RICTOR: variants seen among roughly 807,000 people sequenced by gnomAD.
RICTOR encodes RPTOR independent companion of MTOR complex 2.
In RICTOR, 49 loss-of-function variants were observed where a neutral mutation model predicts 214.9. The ratio of observed to expected loss-of-function variants is 0.23; its 90% CI spans 0.18 to 0.29. The LOEUF is 0.29. Ranked by LOEUF, RICTOR falls within the 10% of genes least tolerant of loss-of-function variation. The pLI, the probability that RICTOR is intolerant of heterozygous loss-of-function variation, is 1.00. For synonymous variants in RICTOR, 717 were observed against 711.3 expected (o/e 1.01, Z -0.13); for missense variants, 1,625 against 2,047.0 (o/e 0.79, Z 3.98).
At chr5:39,038,684 AC>A (rs987577324) in intron 2 of RICTOR, among the ~76,000 whole-genome samples, 47 of 152,362 alleles carry the variant, frequency 3.1e-4, no homozygotes, top group African/African-American at 1.1e-3. Flanking sequence ...TAACAGACAG[AC>A]AGCCAAATCA....
At chr5:38,957,277 T>C (rs1045603215) in intron 25 of RICTOR, among the ~76,000 whole-genome samples, 4 of 152,106 alleles carry the variant, frequency 2.6e-5, no homozygotes, top group African/African-American at 9.7e-5. Context: ...CTCCCTTCAT[T>C]TAAAAAAATT....
At chr5:39,044,380 C>T (rs1318401944) in intron 2 of RICTOR, among the ~76,000 whole-genome samples, 1 of 152,100 alleles carries the variant, frequency 6.6e-6, no homozygotes, top group African/African-American at 2.4e-5. Context: ...TGACTTTTAA[C>T]AATCTGGCAT....
Position 38,959,059 on chromosome 5 carries a change from T to C in RICTOR, c.2178+136A>G. The C allele has an allele frequency of 5.5e-6, 4 of 732,618 alleles. No homozygotes were observed. The South Asian group carries it at 1.2e-4, about 21-fold the overall frequency. 45.4% of individuals were successfully genotyped at this position (732,618 alleles called of 1,614,324 possible). A position where few individuals can be genotyped will look rare whatever the true frequency, so the allele number is the denominator to read the frequency against. On this transcript the variant is annotated intron_variant, in intron 22 of 37. Transcript: ENST00000357387. ...AAATCTGAGTACTATATGCAGTTCC[T>C]TGGAGAAACTAAAATTTTAAAGTAA...
chr5:39,053,443 C>A (rs1422437948), intron 2 of RICTOR, among the ~76,000 whole-genome samples: 5 of 152,152 alleles, frequency 3.3e-5, no homozygotes, highest in Non-Finnish European at 7.3e-5. Context: ...CACAACGGCT[C>A]ATGTATCTGC....
At chr5:38,989,593 C>A (rs1287881799) in intron 7 of RICTOR, among the ~76,000 whole-genome samples, 1 of 151,948 alleles carries the variant, frequency 6.6e-6, no homozygotes, top group East Asian at 1.9e-4. Context: ...AAAAATTTTG[C>A]AATCTATCCA....
chr5:38,960,019 A>C, intron 20 of RICTOR, 41 bp from the exon 21 acceptor site: 1 of 1,340,264 alleles, frequency 7.5e-7, no homozygotes, highest in Non-Finnish European at 1.1e-6. Context: ...AAAAGCATTC[A>C]AAATCTGTAA....
chr5:38,953,577 AT>A, intron 27 of RICTOR, 24 bp from the exon 28 acceptor site: 1 of 729,664 alleles, frequency 1.4e-6, no homozygotes, highest in Non-Finnish European at 2.2e-6. Flanking sequence ...AAAAAATACC[AT>A]GAGTAATAAT....
At chr5:38,968,131 T>C in intron 11 of RICTOR, 101 bp from the exon 12 acceptor site, 2 of 687,338 alleles carry the variant, frequency 2.9e-6, no homozygotes, top group East Asian at 2.6e-5. Flanking sequence ...AACAGAACTA[T>C]TAATACAATG....
chr5:38,994,439 A>AC, intron 6 of RICTOR, among the ~76,000 whole-genome samples: 1 of 145,962 alleles, frequency 6.9e-6, no homozygotes, highest in African/African-American at 2.5e-5. Flanking sequence ...AAAAAAAAAA[A>AC]AAAAAAAAAA....
intron 3 of RICTOR, among the ~76,000 whole-genome samples, chr5:39,019,579 T>G (rs1230400073): frequency 6.6e-6 from 1 of 152,180 alleles, no homozygotes; most frequent in Non-Finnish European, 1.5e-5. Context: ...AAACATACTG[T>G]TGAGAAAACA....
intron 2 of RICTOR, among the ~76,000 whole-genome samples, chr5:39,065,231 T>C (rs1758811367): frequency 6.6e-6 from 1 of 152,130 alleles, no homozygotes; most frequent in Non-Finnish European, 1.5e-5. Context: ...TGCAGGCATC[T>C]CACATGGCAG....
rs1435783841 is a variant in RICTOR at position 38,954,779 on chromosome 5, C to T, written c.2692G>A (p.Val898Ile). ...TAAGTGAATTATGTTTTTACCTGTA[C>T]TTCCAACAAATGGCAGCCTGTTTTA... ...HHKTGCHLLE[V>I]QNIITELCRN... The change falls in exon 27 of 38, where the codon GTA becomes ATA. Residue 898 changes from valine to isoleucine, a missense_variant. Transcript: ENST00000357387. 1.9e-6 allele frequency: 3 copies of T among 1,574,330 alleles called. No homozygotes were observed. Among genetic ancestry groups the T allele is most frequent in the Non-Finnish European group, 2.6e-6 (3 of 1,145,628 alleles).
chr5:38,953,585 T>C (rs770365498), intron 27 of RICTOR, 32 bp from the exon 28 acceptor site: 1 of 716,482 alleles, frequency 1.4e-6, no homozygotes, highest in South Asian at 2.7e-5. Context: ...CCATGAGTAA[T>C]AATATATTTA....
chr5:38,979,942 C>T (rs567109548), intron 8 of RICTOR, among the ~76,000 whole-genome samples: 1 of 152,234 alleles, frequency 6.6e-6, no homozygotes, highest in African/African-American at 2.4e-5. Context: ...CTGTGCTTTA[C>T]TGTGTGTATT....
intron 2 of RICTOR, among the ~76,000 whole-genome samples, chr5:39,058,898 C>T (rs548159286): frequency 6.6e-6 from 1 of 152,126 alleles, no homozygotes; most frequent in South Asian, 2.1e-4. Flanking sequence ...TTTCATTAAA[C>T]AGTCATTCAA....
chr5:39,019,884 C>T (rs1755263533), intron 3 of RICTOR, among the ~76,000 whole-genome samples: 1 of 152,134 alleles, frequency 6.6e-6, no homozygotes, highest in African/African-American at 2.4e-5. Context: ...ATTTATCGTT[C>T]CAGATGCCAT....
At position 38,982,031 on chromosome 5, in the gene RICTOR, G is replaced by C. The variant is rs938312481; in HGVS notation, c.589C>G (p.Gln197Glu). The C allele has an allele frequency of 1.2e-6, 2 of 1,607,530 alleles. No homozygotes were observed. Among genetic ancestry groups the C allele is most frequent in the Non-Finnish European group, 1.7e-6 (2 of 1,174,896 alleles). Reference protein sequence around the residue: ...CIAIICELALQNPEVVALRGG... With the variant: ...CIAIICELALENPEVVALRGG... ...CGAAGGGCCACCACCTCTGGATTCT[G>C]AAGTGCTAAAAGAGAAAAACTTAAC... The change falls in exon 8 of 38, where the codon CAG becomes GAG. Residue 197 changes from glutamine to glutamate, a missense_variant. This residue lies in a region of RICTOR where 258 missense variants were observed against 393.7 expected (regional missense o/e 0.66). Transcript: ENST00000357387.
intron 3 of RICTOR, among the ~76,000 whole-genome samples, chr5:39,015,180 A>G (rs1010084360): frequency 1.3e-5 from 2 of 152,194 alleles, no homozygotes; most frequent in African/African-American, 4.8e-5. Context: ...GGTAGCAAAC[A>G]AACTCCACTA....
At position 38,990,637 on chromosome 5, in the gene RICTOR, GAC is replaced by G. The variant is rs1561501668; in HGVS notation, c.583+310_583+311del. On this transcript the variant is annotated intron_variant, in intron 7 of 37. Transcript: ENST00000357387. ...TATACGATATATGATATATATATCT[GAC>G]ATATATCAGATATATGATATATATC... Among the ~76,000 whole-genome samples, 121 of 100,388 alleles carry G rather than the reference GAC, an allele frequency of 1.2e-3. 7 individuals carry two copies. The highest frequency in any genetic ancestry group is 4.8e-3 in the African/African-American group (117 of 24,340). 65.9% of individuals were successfully genotyped at this position (100,388 alleles called of 152,430 possible).
Sources: gnomAD v4.1 joint callset for allele counts (sites outside exome capture counted in the v4.1 genomes callset) on GRCh38, gnomAD v4.1.1 for gene constraint, gnomAD v4.1.1 regional missense constraint, MANE v1.5 for transcripts, NCBI Gene and HGNC (gene_info 2026-07-23, HGNC 2026-07-21) for gene names.